The following THSD4 variants were observed in gnomAD, a reference collection of about 807,000 sequenced individuals.
THSD4 encodes the protein thrombospondin type-1 domain-containing protein 4.
A neutral mutation model predicts 119.0 loss-of-function variants in THSD4; 69 were observed. The observed-to-expected ratio is 0.58, with a 90% CI of 0.48 to 0.71. THSD4 has a LOEUF of 0.71. Among genes scored for constraint, THSD4 ranks in the 30% least tolerant of loss-of-function variants. THSD4 has a pLI of 0.00. For missense variants in THSD4, 1,393 were observed against 1,391.1 expected (o/e 1.00, Z -0.02); for synonymous variants, 524 against 540.4 (o/e 0.97, Z 0.42).
intron 7 of THSD4, among the ~76,000 whole-genome samples, chr15:71,462,847 A>G (rs775727091): frequency 2.6e-5 from 4 of 152,180 alleles, no homozygotes; most frequent in African/African-American, 4.8e-5. Context: ...TGTGACAAGT[A>G]TTTGTTGAAT....
intron 2 of THSD4, among the ~76,000 whole-genome samples, chr15:71,144,440 G>A (rs2040636945): frequency 6.6e-6 from 1 of 152,164 alleles, no homozygotes; most frequent in African/African-American, 2.4e-5. Context: ...GCACACACAT[G>A]TGAAGGGATT....
intron 6 of THSD4, among the ~76,000 whole-genome samples, chr15:71,349,660 C>T (rs979754477): frequency 1.3e-5 from 2 of 152,194 alleles, no homozygotes; most frequent in Non-Finnish European, 2.9e-5. Context: ...GTGGGCCACA[C>T]CCAGCAGTAG....
chr15:71,215,356 C>G lies in THSD4; in HGVS notation c.421C>G (p.Arg141Gly), dbSNP rs1374016914. The change falls in exon 4 of 18, where the codon CGG (arginine) becomes GGG (glycine). Residue 141 changes from arginine to glycine, a missense_variant. By Grantham distance (125) the Arg-to-Gly change is moderately radical. Transcript: ENST00000261862. ...RQGPTVLRGS[R>G]HPQPQGLEVT... ...GGGCCCCACGGTGCTGCGAGGCAGC[C>G]GGCACCCACAGCCCCAGGGCCTCGA... 4.6e-6 allele frequency: 7 copies of G among 1,532,244 alleles called. No homozygotes were observed. The highest frequency in any genetic ancestry group is 4.1e-5 in the African/African-American group (3 of 72,652). The allele number at this position is 1,532,244 out of a possible 1,614,324, so 94.9% of individuals were successfully genotyped here. A position where few individuals can be genotyped will look rare whatever the true frequency, so the allele number is the denominator to read the frequency against.
intron 15 of THSD4, 83 bp downstream of exon 15, chr15:71,758,158 C>A: frequency 1.4e-6 from 2 of 1,440,374 alleles, no homozygotes; most frequent in South Asian, 2.9e-5. Flanking sequence ...GACTTTGTGT[C>A]AGGTGTCCCA....
chr15:71,526,193 G>A (rs777696992), intron 7 of THSD4, among the ~76,000 whole-genome samples: 18 of 152,150 alleles, frequency 1.2e-4, no homozygotes, highest in Non-Finnish European at 1.6e-4. Context: ...TTCAAGGACC[G>A]TCTAAAATCT....
At chr15:71,657,039 CTTTA>C (rs2051205114) in intron 7 of THSD4, among the ~76,000 whole-genome samples, 1 of 152,164 alleles carries the variant, frequency 6.6e-6, no homozygotes, top group Non-Finnish European at 1.5e-5. Context: ...ATCCTCCAGA[CTTTA>C]TGTACCCAAT....
At chr15:71,439,676 T>C (rs560601832) in intron 7 of THSD4, among the ~76,000 whole-genome samples, 3 of 152,318 alleles carry the variant, frequency 2.0e-5, no homozygotes, top group South Asian at 4.1e-4. Flanking sequence ...TGGAATACTA[T>C]GCAGCTGTAA....
At chr15:71,482,378 C>G (rs1330489374) in intron 7 of THSD4, among the ~76,000 whole-genome samples, 1 of 151,026 alleles carries the variant, frequency 6.6e-6, no homozygotes, top group African/African-American at 2.4e-5. Context: ...GCAAGCTCCG[C>G]CTCCTGGGTT....
At chr15:71,577,636 T>C (rs930374745) in intron 7 of THSD4, among the ~76,000 whole-genome samples, 4 of 152,206 alleles carry the variant, frequency 2.6e-5, no homozygotes, top group Admixed American at 6.5e-5. Flanking sequence ...TTTCACTTGA[T>C]GCCCTAATTC....
At chr15:71,258,317 T>TA (rs2044345030) in intron 6 of THSD4, among the ~76,000 whole-genome samples, 2 of 152,282 alleles carry the variant, frequency 1.3e-5, no homozygotes, top group South Asian at 4.1e-4. Flanking sequence ...TAGCTGGGAT[T>TA]ACAGGTGTGC....
intron 7 of THSD4, among the ~76,000 whole-genome samples, chr15:71,532,283 A>AGAGAGAGAGT (rs1379506089): frequency 2.6e-4 from 26 of 101,648 alleles, no homozygotes; most frequent in African/African-American, 3.4e-4. Flanking sequence ...AGAGAGAGAG[A>AGAGAGAGAGT]GTGTGTGTGT....
chr15:71,475,215 G>T (rs1488051771), intron 7 of THSD4, among the ~76,000 whole-genome samples: 1 of 152,220 alleles, frequency 6.6e-6, no homozygotes, highest in Non-Finnish European at 1.5e-5. Flanking sequence ...CCTCTTGAAA[G>T]CCTGTCTCAT....
chr15:71,184,983 C>G lies in THSD4; in HGVS notation c.99+30051C>G, dbSNP rs764186587. Among the ~76,000 whole-genome samples the G allele has an allele frequency of 2.2e-4, 33 of 151,734 alleles. 1 individual carries two copies. Among genetic ancestry groups the G allele is most frequent in the Non-Finnish European group, 3.8e-4 (26 of 67,884 alleles). On this transcript the variant is annotated intron_variant, in intron 3 of 17. Coordinates refer to ENST00000261862, the MANE Select transcript of THSD4 (RefSeq NM_024817.3). ...CATTTCTTCCCTGCCTTTAGGCTGA[C>G]CTTGAGCTTCTGCTAACTGATAAGT...
intron 8 of THSD4, among the ~76,000 whole-genome samples, chr15:71,697,065 A>T (rs913989329): frequency 6.6e-6 from 1 of 152,210 alleles, no homozygotes; most frequent in African/African-American, 2.4e-5. Flanking sequence ...CCCTTTGGCA[A>T]CTGGGTGATA....
At chr15:71,299,976 A>AAAATATATATATATATAT (rs1555462049) in intron 6 of THSD4, among the ~76,000 whole-genome samples, 1 of 48,320 alleles carries the variant, frequency 2.1e-5, no homozygotes, top group African/African-American at 7.7e-5. Flanking sequence ...AAAAAAAAAA[A>AAAATATATATATATATAT]ATATATATAT....
chr15:71,131,143 C>A (rs1295162693), intron 1 of THSD4, among the ~76,000 whole-genome samples: 1 of 152,106 alleles, frequency 6.6e-6, no homozygotes, highest in Non-Finnish European at 1.5e-5. Context: ...TTAGTTTATT[C>A]ATCTTTGAAT....
At chr15:71,385,619 G>A (rs1482570759) in intron 6 of THSD4, among the ~76,000 whole-genome samples, 6 of 152,070 alleles carry the variant, frequency 3.9e-5, no homozygotes, top group African/African-American at 1.2e-4. Context: ...TTGAATACGT[G>A]GCCACCTGTG....
At chr15:71,562,545 C>G (rs2049142088) in intron 7 of THSD4, among the ~76,000 whole-genome samples, 1 of 152,148 alleles carries the variant, frequency 6.6e-6, no homozygotes, top group African/African-American at 2.4e-5. Flanking sequence ...ACCTCACGTT[C>G]TGACACTCTT....
At chr15:71,253,864 CCA>C (rs2044286179) in intron 5 of THSD4, among the ~76,000 whole-genome samples, 2 of 152,204 alleles carry the variant, frequency 1.3e-5, no homozygotes, top group Non-Finnish European at 2.9e-5. Flanking sequence ...TACACACACT[CCA>C]CACACATAAT....
Sources: gnomAD v4.1 joint callset for allele counts (sites outside exome capture counted in the v4.1 genomes callset) on GRCh38, gnomAD v4.1.1 for gene constraint, MANE v1.5 for transcripts, NCBI Gene and HGNC (gene_info 2026-07-23, HGNC 2026-07-21) for gene names.